The following REEP5 variants were observed in gnomAD, a reference collection of about 807,000 sequenced individuals.
The protein encoded by REEP5 is receptor expression-enhancing protein 5.
A neutral mutation model predicts 22.4 loss-of-function variants in REEP5; 24 were observed. The observed-to-expected ratio is 1.07, with a 90% CI of 0.78 to 1.51. REEP5 has a LOEUF of 1.51. Among genes scored for constraint, REEP5 ranks in the 40% most tolerant of loss-of-function variants. The pLI is 0.00. For missense variants in REEP5, 252 were observed against 233.0 expected, an observed-to-expected ratio of 1.08 and a Z score of -0.53; for synonymous variants, 103 against 88.6, an observed-to-expected ratio of 1.16 and a Z score of -0.92.
rs560721915 is a variant in REEP5, at chr5:112,886,987, G to A, written c.520+28C>T. The A allele has an allele frequency of 7.1e-6, 11 of 1,542,158 alleles. No homozygotes were observed. In the South Asian group the frequency reaches 8.3e-5, roughly 12 times the overall value. On this transcript the variant is annotated intron_variant, in intron 4 of 4. Coordinates refer to ENST00000379638, the MANE Select transcript of REEP5 (RefSeq NM_005669.5). ...CAGTGTGTCACATCTCCTCTCACAT[G>A]TGGGGCCATCTTGTTCCTGAGTCTT...
intron 4 of REEP5, among the ~76,000 whole-genome samples, chr5:112,883,136 C>T (rs1768128555): frequency 6.6e-6 from 1 of 152,214 alleles, no homozygotes; most frequent in Non-Finnish European, 1.5e-5. Flanking sequence ...AAGAAAAAAA[C>T]TTTTAAAATT....
chr5:112,909,450 G>T (rs469886), intron 2 of REEP5, among the ~76,000 whole-genome samples: 78,355 of 151,200 alleles, frequency 0.52, 21,532 homozygotes, highest in African/African-American at 0.71. Context: ...GGGTTTATAT[G>T]GCTAATAAGG....
intron 2 of REEP5, among the ~76,000 whole-genome samples, chr5:112,910,131 C>T (rs189447669): frequency 3.3e-5 from 5 of 152,230 alleles, no homozygotes; most frequent in Admixed American, 6.5e-5. Flanking sequence ...GGTGATACCC[C>T]GTCTCTACTA....
chr5:112,887,471 G>A lies in REEP5; in HGVS notation c.352-288C>T, dbSNP rs563119285. On this transcript the variant is annotated intron_variant, in intron 3 of 4. Transcript: ENST00000379638. ...TTGGACCACGTTTTAGTATATAGCT[G>A]TAAGAGGCTTTTATTAATCATAACT... is the stretch of plus-strand genomic sequence containing the variant. Among the ~76,000 whole-genome samples the A allele has an allele frequency of 5.3e-5, 8 of 152,274 alleles. No homozygotes were observed. The South Asian group carries it at 1.7e-3, about 32-fold the overall frequency.
At chr5:112,887,756 T>G (rs189131965) in intron 3 of REEP5, among the ~76,000 whole-genome samples, 13 of 152,346 alleles carry the variant, frequency 8.5e-5, no homozygotes, top group Non-Finnish European at 1.6e-4. Flanking sequence ...TTATTATTCC[T>G]AACTCCTTCT....
chr5:112,895,838 A>G (rs1404096037), intron 3 of REEP5: 1 of 152,200 alleles, frequency 6.6e-6, no homozygotes, highest in Non-Finnish European at 1.5e-5. Flanking sequence ...AGCTGCCCTC[A>G]AAGTGCCAGC....
chr5:112,887,592 T>A (rs1768299104), intron 3 of REEP5, among the ~76,000 whole-genome samples: 1 of 152,202 alleles, frequency 6.6e-6, no homozygotes, highest in South Asian at 2.1e-4. Context: ...CTTGGTAGGC[T>A]TATCTTGGTA....
intron 4 of REEP5, chr5:112,885,319 G>T: frequency 5.7e-6 from 1 of 174,392 alleles, no homozygotes; most frequent in Non-Finnish European, 1.2e-5. Flanking sequence ...ACAGCAAGTG[G>T]TAGATTTAGA....
At chr5:112,878,975 TGTGGTCTGGGCTAAGAGGGTTTCCA>T in intron 4 of REEP5, 140 bp from the exon 5 acceptor site, 2 of 1,363,336 alleles carry the variant, frequency 1.5e-6, no homozygotes, top group East Asian at 4.8e-5. Context: ...TGTTGGGGTT[TGTGGTCTGGGCTAAGAGGGTTTCCA>T]GGAAATGGAG....
intron 2 of REEP5, among the ~76,000 whole-genome samples, chr5:112,917,627 T>C (rs546962099): frequency 1.1e-4 from 16 of 152,306 alleles, no homozygotes; most frequent in Non-Finnish European, 2.1e-4. Flanking sequence ...CCTGGCTCAC[T>C]AGCGCCCACC....
rs1214555404 is a variant in REEP5, at chr5:112,886,986, T to C, written c.520+29A>G. The C allele has an allele frequency of 9.1e-6, 14 of 1,539,666 alleles. No homozygotes were observed. In the East Asian group the frequency reaches 3.0e-4, roughly 33 times the overall value. On this transcript the variant is annotated intron_variant, in intron 4 of 4. Coordinates refer to ENST00000379638, the MANE Select transcript of REEP5 (RefSeq NM_005669.5). ...CCAGTGTGTCACATCTCCTCTCACA[T>C]GTGGGGCCATCTTGTTCCTGAGTCT... is the stretch of plus-strand genomic sequence containing the variant.
At chr5:112,913,300 AAGAC>A (rs1348367737) in intron 2 of REEP5, among the ~76,000 whole-genome samples, 2 of 151,186 alleles carry the variant, frequency 1.3e-5, no homozygotes, top group Non-Finnish European at 2.9e-5. Context: ...TCAAGAAAGA[AAGAC>A]AGAAAGAAAG....
At chr5:112,922,034 C>T (rs1457370557) in intron 1 of REEP5, 39 bp downstream of exon 1, 3 of 1,573,064 alleles carry the variant, frequency 1.9e-6, no homozygotes, top group East Asian at 2.4e-5. Context: ...GCGGCGGCTC[C>T]CGTGGCCCTA....
chr5:112,920,378 TA>T (rs1239516848), intron 2 of REEP5, among the ~76,000 whole-genome samples: 2 of 152,122 alleles, frequency 1.3e-5, no homozygotes. Flanking sequence ...TGAATGAAGG[TA>T]AAAACCACTG....
At chr5:112,904,074 C>G (rs561478628) in intron 2 of REEP5, among the ~76,000 whole-genome samples, 2 of 152,192 alleles carry the variant, frequency 1.3e-5, no homozygotes, top group Non-Finnish European at 2.9e-5. Flanking sequence ...TCAAGCAATC[C>G]TCCTGCCTTG....
In REEP5 at chr5:112,876,511, G is replaced by A. The variant is rs1767899221; in HGVS notation, c.*2275C>T. ...CAGCTGTGAGTAGAGGAGTCTTCCC[G>A]AGAGTAGCAGTTGTTGATCCAAATG... is the stretch of plus-strand genomic sequence containing the variant. On this transcript the variant is annotated 3_prime_UTR_variant, in exon 5 of 5. Transcript: ENST00000379638. 6.6e-6 allele frequency: 1 copy of A among 152,172 alleles called. No individual in the cohort carries two copies. Among genetic ancestry groups the A allele is most frequent in the Non-Finnish European group, 1.5e-5 (1 of 68,034 alleles). 9.4% of individuals were successfully genotyped at this position (152,172 alleles called of 1,614,324 possible).
intron 2 of REEP5, among the ~76,000 whole-genome samples, chr5:112,913,361 GGAAA>G (rs1363021929): frequency 6.1e-5 from 8 of 131,108 alleles, no homozygotes; most frequent in Admixed American, 6.1e-4. Context: ...AAGAAAGAAA[GGAAA>G]GAAAGAAGAA....
chr5:112,889,050 A>G (rs929303981), intron 3 of REEP5, among the ~76,000 whole-genome samples: 8 of 150,874 alleles, frequency 5.3e-5, no homozygotes, highest in Non-Finnish European at 8.8e-5. Context: ...GCCACCATGT[A>G]AGACATCCCT....
At chr5:112,912,009 A>G (rs773900933) in intron 2 of REEP5, among the ~76,000 whole-genome samples, 1 of 152,232 alleles carries the variant, frequency 6.6e-6, no homozygotes, top group Non-Finnish European at 1.5e-5. Flanking sequence ...AACTATGACT[A>G]TGATTAAGTC....
Sources: allele counts gnomAD v4.1 joint callset (sites outside exome capture counted in the v4.1 genomes callset), GRCh38; gene constraint gnomAD v4.1.1; transcripts MANE v1.5; gene names NCBI Gene and HGNC (gene_info 2026-07-23, HGNC 2026-07-21).